ZC3H11A: variants seen among roughly 807,000 people sequenced by gnomAD.
ZC3H11A encodes zinc finger CCCH-type containing 11A.
Under a neutral mutation model 90.8 loss-of-function variants are expected in ZC3H11A, and 22 were observed. That is an observed-to-expected ratio of 0.24 (90% CI 0.17 to 0.35). The LOEUF (loss-of-function observed/expected upper bound fraction) is 0.35, where lower values mean the gene tolerates loss of function less well. Among genes scored for constraint, ZC3H11A ranks in the 10% least tolerant of loss-of-function variants. ZC3H11A has a pLI of 1.00. For missense variants in ZC3H11A, 701 were observed against 964.9 expected (o/e 0.73, Z 3.62); for synonymous variants, 294 against 339.8 (o/e 0.87, Z 1.48).
Position 203,847,416 on chromosome 1 carries a change from C to T in ZC3H11A, c.1275C>T (p.Ser425=). The T allele has an allele frequency of 1.2e-6, 2 of 1,613,620 alleles. No individual in the cohort carries two copies. The highest frequency in any genetic ancestry group is 1.7e-6 in the Non-Finnish European group (2 of 1,179,780). The change falls in exon 13 of 18, where the codon AGC becomes AGT. Residue 425 remains serine, a synonymous_variant. Coordinates refer to ENST00000367210, the MANE Select transcript of ZC3H11A (RefSeq NM_001376342.1). ...AGCAGGAAGCAGAGAGACAAAAAAG[C>T]AAAAAGGATACAACTTGCATCAAGC... is the stretch of plus-strand genomic sequence containing the variant. ...HRQQEAERQK[S]KKDTTCIKLK... is the part of the protein sequence containing the mutation.
Position 203,817,118 on chromosome 1 carries a change from T to C in ZC3H11A, c.48T>C (p.Cys16=), listed in dbSNP as rs772349806. ...EDCYFFFYST[C]TKGDSCPFRH... The stretch of plus-strand genomic sequence containing the variant: ...GCTATTTTTTTTTCTATTCCACATG[T>C]ACCAAAGTAAGAATTGACATCTTTA... Residue 16 remains cysteine, a synonymous_variant, in exon 3 of 18, where the codon TGT becomes TGC. Transcript: ENST00000367210. 1 of 1,606,930 alleles carries C rather than the reference T, an allele frequency of 6.2e-7. No homozygotes were observed. Among genetic ancestry groups the C allele is most frequent in the South Asian group, 1.1e-5 (1 of 89,706 alleles).
At position 203,822,013 on chromosome 1, in the gene ZC3H11A, T is replaced by A. The variant is rs1014157432; in HGVS notation, c.174+3324T>A. 3.3e-5 allele frequency among the ~76,000 whole-genome samples: 5 copies of A among 152,260 alleles called. No homozygotes were observed. The East Asian group carries it at 9.7e-4, about 29-fold the overall frequency. On this transcript the variant is annotated intron_variant, in intron 4 of 17. Coordinates refer to ENST00000367210, the MANE Select transcript of ZC3H11A (RefSeq NM_001376342.1). ...ACCTCGTGATCCGCCCGCCTTGGCC[T>A]CCCAAAGTCCTGGGATTACAGGTGT... is the stretch of plus-strand genomic sequence containing the variant.
At chr1:203,811,175 G>T (rs1341148756) in intron 2 of ZC3H11A, among the ~76,000 whole-genome samples, 1 of 151,448 alleles carries the variant, frequency 6.6e-6, no homozygotes, top group Non-Finnish European at 1.5e-5. Context: ...AAGTGTGGTG[G>T]TGGGCACCTG....
intron 2 of ZC3H11A, among the ~76,000 whole-genome samples, chr1:203,810,581 A>G (rs923305230): frequency 5.3e-5 from 8 of 151,734 alleles, no homozygotes; most frequent in African/African-American, 1.5e-4. Context: ...CACCACGCCC[A>G]GCTAATTTTT....
At chr1:203,808,043 GT>G (rs1558098356) in intron 2 of ZC3H11A, among the ~76,000 whole-genome samples, 2 of 151,964 alleles carry the variant, frequency 1.3e-5, no homozygotes, top group Non-Finnish European at 2.9e-5. Context: ...TGCCTGGCCT[GT>G]TTTGTTTTTT....
intron 10 of ZC3H11A, among the ~76,000 whole-genome samples, chr1:203,834,517 C>T (rs6674694): frequency 0.54 from 82,550 of 152,012 alleles, 22,604 homozygotes; most frequent in African/African-American, 0.62. Flanking sequence ...AGTGATCTGT[C>T]GGCCTTGGCC....
At chr1:203,841,610 G>C (rs944285363) in intron 12 of ZC3H11A, among the ~76,000 whole-genome samples, 6 of 151,490 alleles carry the variant, frequency 4.0e-5, no homozygotes, top group Admixed American at 2.6e-4. Context: ...ACATTTCCCC[G>C]TTTTCTATTC....
At chr1:203,828,699 T>G (rs764335652) in intron 5 of ZC3H11A, among the ~76,000 whole-genome samples, 2 of 152,218 alleles carry the variant, frequency 1.3e-5, no homozygotes, top group Non-Finnish European at 2.9e-5. Context: ...AATTTGATTT[T>G]CTAGGTCAAA....
chr1:203,850,806 T>C, intron 16 of ZC3H11A, 125 bp downstream of exon 16: 6 of 1,354,136 alleles, frequency 4.4e-6, no homozygotes, highest in Non-Finnish European at 6.1e-6. Context: ...TTTTAGTAAT[T>C]TGGGTTACTA....
At chr1:203,847,749 G>T in intron 13 of ZC3H11A, 62 bp downstream of exon 13, 1 of 1,557,240 alleles carries the variant, frequency 6.4e-7, no homozygotes, top group Admixed American at 2.0e-5. Flanking sequence ...GGAGTGTTCC[G>T]TGGGATCTTC....
At chr1:203,848,278 A>G (rs1358662400) in intron 13 of ZC3H11A, 53 bp from the exon 14 acceptor site, 2 of 1,445,310 alleles carry the variant, frequency 1.4e-6, no homozygotes, top group South Asian at 2.4e-5. Context: ...CATATCTATC[A>G]TGAAGTTGCA....
chr1:203,850,195 AT>A, intron 15 of ZC3H11A, 169 bp downstream of exon 15: 1 of 693,128 alleles, frequency 1.4e-6, no homozygotes, highest in South Asian at 2.0e-5. Context: ...AACGAGATGA[AT>A]TCTTTTCTCA....
chr1:203,830,587 C>T (rs913720712), intron 8 of ZC3H11A, among the ~76,000 whole-genome samples: 5 of 152,142 alleles, frequency 3.3e-5, no homozygotes, highest in African/African-American at 9.6e-5. Context: ...CCGAGGAGGG[C>T]GAATCATGAG....
At chr1:203,804,006 T>G (rs1382550371) in intron 2 of ZC3H11A, among the ~76,000 whole-genome samples, 1 of 152,214 alleles carries the variant, frequency 6.6e-6, no homozygotes, top group Non-Finnish European at 1.5e-5. Context: ...GATGTGTGCA[T>G]TATTTTTTGG....
intron 12 of ZC3H11A, among the ~76,000 whole-genome samples, chr1:203,841,359 T>G (rs1686131257): frequency 6.6e-6 from 1 of 152,150 alleles, no homozygotes; most frequent in Admixed American, 6.5e-5. Context: ...TGATGACTCT[T>G]AACGAGCATG....
rs1287424232 is a variant in ZC3H11A, at chr1:203,797,769, A to G, written c.-1588+1975A>G. ...GCGTCGAAAAAAATTGATTCTTGCC[A>G]AAAAGTTTAGTAAGGATTTGGGATC... On this transcript the variant is annotated intron_variant, in intron 1 of 17. Transcript: ENST00000367210. 12 of 1,535,678 alleles carry G rather than the reference A, an allele frequency of 7.8e-6. No individual in the cohort carries two copies. Among genetic ancestry groups the G allele is most frequent in the African/African-American group, 4.1e-5 (3 of 73,048 alleles).
rs546884020 is a variant in ZC3H11A, at chr1:203,816,957, A to C, written c.-114A>C. The stretch of plus-strand genomic sequence containing the variant: ...AGTTTAAAGACAATTTCTGTGATCA[A>C]GTTGTCATTTGGAAGATTAAACCCA... On this transcript the variant is annotated 5_prime_UTR_variant, in exon 3 of 18. Transcript: ENST00000367210. The C allele has an allele frequency of 3.3e-6, 2 of 612,082 alleles. No individual in the cohort carries two copies. Among genetic ancestry groups the C allele is most frequent in the African/African-American group, 3.8e-5 (2 of 52,480 alleles). 37.9% of individuals were successfully genotyped at this position (612,082 alleles called of 1,614,324 possible).
chr1:203,806,599 G>A (rs754030492), intron 2 of ZC3H11A, among the ~76,000 whole-genome samples: 27 of 152,178 alleles, frequency 1.8e-4, no homozygotes, highest in South Asian at 1.5e-3. Context: ...CACCGTGCCC[G>A]GCCTAACACC....
chr1:203,845,095 G>A (rs1367366526), intron 12 of ZC3H11A, among the ~76,000 whole-genome samples: 1 of 152,006 alleles, frequency 6.6e-6, no homozygotes, highest in Non-Finnish European at 1.5e-5. Flanking sequence ...TGTATTGGGA[G>A]GAACAGAACT....
Sources: allele counts gnomAD v4.1 joint callset (sites outside exome capture counted in the v4.1 genomes callset), GRCh38; gene constraint gnomAD v4.1.1; transcripts MANE v1.5; gene names NCBI Gene and HGNC (gene_info 2026-07-23, HGNC 2026-07-21).